Variants in UST observed in about 807,000 individuals in gnomAD.
UST encodes the protein chondroitin sulfate 2-O-sulfotransferase.
UST carries 21 observed loss-of-function variants against 45.6 expected under a neutral mutation model. The observed-to-expected ratio is 0.46, with a 90% CI of 0.33 to 0.66. The LOEUF (loss-of-function observed/expected upper bound fraction) is 0.66, where lower values mean the gene tolerates loss of function less well. Ranked by LOEUF, UST falls within the 30% of genes least tolerant of loss-of-function variation. UST has a pLI of 0.02. For synonymous variants in UST, 215 were observed against 200.6 expected (o/e 1.07, Z -0.61); for missense variants, 463 against 512.4 (o/e 0.90, Z 0.93).
At chr6:148,888,850 A>C (rs1778959141) in intron 2 of UST, among the ~76,000 whole-genome samples, 1 of 152,234 alleles carries the variant, frequency 6.6e-6, no homozygotes, top group South Asian at 2.1e-4. Context: ...TCTATTCTAG[A>C]GGAGCAAAGG....
intron 5 of UST, among the ~76,000 whole-genome samples, chr6:149,001,181 C>G (rs546762966): frequency 1.2e-3 from 189 of 151,568 alleles, no homozygotes; most frequent in African/African-American, 4.5e-3. Context: ...ATGCCATTCT[C>G]CTGCGTCAGC....
At chr6:148,968,946 G>C (rs1244869821) in intron 5 of UST, among the ~76,000 whole-genome samples, 2 of 152,214 alleles carry the variant, frequency 1.3e-5, no homozygotes, top group African/African-American at 2.4e-5. Flanking sequence ...GGAAAGTAAT[G>C]CATGTTTAAA....
At position 148,866,071 on chromosome 6, in the gene UST, G is replaced by T. The variant is rs907881077; in HGVS notation, c.248-20915G>T. ...CAAATACATATACATATTGGGGAAA[G>T]AAAGAATTAATTAGACTTTAAATTC... On this transcript the variant is annotated intron_variant, in intron 1 of 7. Transcript: ENST00000367463. Among the ~76,000 whole-genome samples the T allele has an allele frequency of 2.1e-5, 3 of 146,222 alleles. No individual in the cohort carries two copies. In the Admixed American group the frequency reaches 2.1e-4, roughly 10 times the overall value.
Position 148,934,002 on chromosome 6 carries a change from G to A in UST, c.292-7277G>A, listed in dbSNP as rs554752261. On this transcript the variant is annotated intron_variant, in intron 2 of 7. Coordinates refer to ENST00000367463, the MANE Select transcript of UST (RefSeq NM_005715.3). The surrounding 1 kb of genome is among the most constrained non-coding windows in gnomAD (Gnocchi z 4.1). ...ATATATTCCACAAACAAGGAAACACGGTAAAATCTAGTTTTAACTTTTAAG... is the reference window on the plus strand; with the variant it reads ...ATATATTCCACAAACAAGGAAACACAGTAAAATCTAGTTTTAACTTTTAAG... Among the ~76,000 whole-genome samples, 9 of 152,216 alleles carry A rather than the reference G, an allele frequency of 5.9e-5. No homozygotes were observed. The South Asian group carries it at 8.3e-4, about 14-fold the overall frequency.
intron 2 of UST, among the ~76,000 whole-genome samples, chr6:148,919,338 C>A (rs528911046): frequency 6.6e-6 from 1 of 152,284 alleles, no homozygotes; most frequent in South Asian, 2.1e-4. Flanking sequence ...CTGCTCCAGC[C>A]CAGCCAAAGG....
At chr6:149,063,993 C>T (rs976908087) in intron 7 of UST, among the ~76,000 whole-genome samples, 2 of 152,182 alleles carry the variant, frequency 1.3e-5, no homozygotes, top group East Asian at 1.9e-4. Flanking sequence ...TACTCTCAGA[C>T]GTGCACACAC....
intron 2 of UST, among the ~76,000 whole-genome samples, chr6:148,906,910 C>T (rs899269182): frequency 6.6e-5 from 10 of 152,138 alleles, no homozygotes; most frequent in Non-Finnish European, 1.3e-4. Context: ...TGTGCAAATA[C>T]TGAGGAAGGG....
intron 1 of UST, among the ~76,000 whole-genome samples, chr6:148,787,980 A>G (rs78167134): frequency 6.6e-6 from 1 of 152,188 alleles, no homozygotes; most frequent in Non-Finnish European, 1.5e-5. Flanking sequence ...TGCTTGTATT[A>G]GTCTGTTTTC....
intron 7 of UST, among the ~76,000 whole-genome samples, chr6:149,069,086 T>C (rs1197415296): frequency 6.6e-6 from 1 of 152,270 alleles, no homozygotes; most frequent in African/African-American, 2.4e-5. Flanking sequence ...TTCTTTTTTA[T>C]GGCCAAATAG....
chr6:149,073,465 T>C (rs1038877199), intron 7 of UST, among the ~76,000 whole-genome samples: 1 of 152,246 alleles, frequency 6.6e-6, no homozygotes, highest in Non-Finnish European at 1.5e-5. Flanking sequence ...AGCTCTTCCA[T>C]GCCTCCTTCT....
At chr6:149,007,429 A>G (rs997023019) in intron 5 of UST, among the ~76,000 whole-genome samples, 12 of 149,594 alleles carry the variant, frequency 8.0e-5, no homozygotes, top group Non-Finnish European at 1.5e-4. Context: ...CTGGGACTAC[A>G]GGCGCCCGCT....
intron 5 of UST, among the ~76,000 whole-genome samples, chr6:149,002,908 A>G (rs958483618): frequency 3.3e-5 from 5 of 152,256 alleles, no homozygotes; most frequent in Non-Finnish European, 7.3e-5. Context: ...TAGCATAGTT[A>G]CATATTATAA....
chr6:148,944,529 A>T (rs999815191), intron 3 of UST, among the ~76,000 whole-genome samples: 2 of 151,786 alleles, frequency 1.3e-5, no homozygotes, highest in Non-Finnish European at 2.9e-5. Context: ...ACACACACAC[A>T]CACACACACA....
chr6:148,970,675 G>A (rs558164664), intron 5 of UST, among the ~76,000 whole-genome samples: 1 of 152,306 alleles, frequency 6.6e-6, no homozygotes, highest in East Asian at 1.9e-4. Context: ...AAGCCACACG[G>A]AAACCAGAAG....
chr6:148,849,846 C>A (rs868426988), intron 1 of UST, among the ~76,000 whole-genome samples: 1 of 152,040 alleles, frequency 6.6e-6, no homozygotes, highest in African/African-American at 2.4e-5. Context: ...AGAGCCAAAC[C>A]GTATCAGATG....
chr6:148,805,527 C>T (rs960849979), intron 1 of UST, among the ~76,000 whole-genome samples: 3 of 152,014 alleles, frequency 2.0e-5, no homozygotes, highest in Admixed American at 6.5e-5. Flanking sequence ...AACTCAGTAT[C>T]GTAAAAGGTC....
At chr6:148,864,556 A>T (rs1292919210) in intron 1 of UST, among the ~76,000 whole-genome samples, 2 of 152,250 alleles carry the variant, frequency 1.3e-5, no homozygotes, top group African/African-American at 4.8e-5. Flanking sequence ...TTGGAAATGC[A>T]GAAATCACCC....
At chr6:148,914,610 T>C (rs898353665) in intron 2 of UST, among the ~76,000 whole-genome samples, 1 of 152,164 alleles carries the variant, frequency 6.6e-6, no homozygotes, top group African/African-American at 2.4e-5. Flanking sequence ...CCTAATGTGA[T>C]AGTATAAGAG....
At chr6:149,021,893 G>C (rs920239636) in intron 7 of UST, among the ~76,000 whole-genome samples, 8 of 152,206 alleles carry the variant, frequency 5.3e-5, no homozygotes, top group African/African-American at 1.9e-4. Flanking sequence ...GCGTGAGTAT[G>C]AAAGAGCCAT....
Sources: gnomAD v4.1 joint callset for allele counts (sites outside exome capture counted in the v4.1 genomes callset) on GRCh38, gnomAD v4.1.1 for gene constraint, Gnocchi (gnomAD v3.1) non-coding constraint, MANE v1.5 for transcripts, NCBI Gene and HGNC (gene_info 2026-07-23, HGNC 2026-07-21) for gene names.